CDH23: variants seen among roughly 807,000 people sequenced by gnomAD.
CDH23 encodes cadherin related 23, also known as cadherin-23.
CDH23 carries 189 observed loss-of-function variants against 317.1 expected under a neutral mutation model. That is an observed-to-expected ratio of 0.60 (90% CI 0.53 to 0.67). CDH23 has a LOEUF of 0.67. Among genes scored for constraint, CDH23 ranks in the 30% least tolerant of loss-of-function variants. The pLI is 0.00. For missense variants in CDH23, 4,401 were observed against 4,592.4 expected (o/e 0.96, Z 1.20); for synonymous variants, 1,839 against 1,876.8 (o/e 0.98, Z 0.52).
At chr10:71,689,762 G>A (rs1019826870) in intron 19 of CDH23, among the ~76,000 whole-genome samples, 3 of 152,216 alleles carry the variant, frequency 2.0e-5, no homozygotes, top group African/African-American at 7.2e-5. Context: ...GCTCAGGCAG[G>A]TGAAGGCGCC....
At chr10:71,600,604 C>T (rs1382602007) in intron 9 of CDH23, among the ~76,000 whole-genome samples, 1 of 151,084 alleles carries the variant, frequency 6.6e-6, no homozygotes, top group African/African-American at 2.4e-5. Flanking sequence ...GCAACCTCTG[C>T]CTCCCGGGTT....
chr10:71,712,760 A>G lies in CDH23; in HGVS notation c.3316A>G (p.Ser1106Gly). 1 of 1,613,534 alleles carries G rather than the reference A, an allele frequency of 6.2e-7. No homozygotes were observed. The highest frequency in any genetic ancestry group is 8.5e-7 in the Non-Finnish European group (1 of 1,179,808). ...NDNRPIFLQSSYEASVPEDIP... is the reference protein window; with the variant it reads ...NDNRPIFLQSGYEASVPEDIP... ...CAACCGGCCCATCTTTCTGCAGAGC[A>G]GCTATGAGGCCAGCGTCCCTGAGGA... The change falls in exon 28 of 70, where the codon AGC (serine) becomes GGC (glycine). Residue 1106 changes from serine (S) to glycine (G), a missense_variant. By Grantham distance (56) the Ser-to-Gly change is moderately conservative (BLOSUM62 0). Transcript: ENST00000224721.
intron 22 of CDH23, among the ~76,000 whole-genome samples, chr10:71,697,016 A>G (rs1490610680): frequency 6.6e-6 from 1 of 152,052 alleles, no homozygotes; most frequent in Admixed American, 6.5e-5. Flanking sequence ...CCTTTCCCTT[A>G]GGTTTTTGGG....
At chr10:71,523,997 G>A (rs758886627) in intron 6 of CDH23, among the ~76,000 whole-genome samples, 21 of 152,218 alleles carry the variant, frequency 1.4e-4, no homozygotes, top group Admixed American at 2.6e-4. Context: ...CACCCTCCCC[G>A]TTTTTCATGA....
At chr10:71,471,214 G>A (rs981160270) in intron 3 of CDH23, among the ~76,000 whole-genome samples, 4 of 152,208 alleles carry the variant, frequency 2.6e-5, no homozygotes, top group East Asian at 1.9e-4. Flanking sequence ...CCATCTGCGC[G>A]CAGCCCGGCT....
chr10:71,725,172 T>C lies in CDH23; in HGVS notation c.3431-200T>C, dbSNP rs576287925. 5.9e-5 allele frequency among the ~76,000 whole-genome samples: 9 copies of C among 152,298 alleles called. No homozygotes were observed. In the East Asian group the frequency reaches 7.7e-4, roughly 13 times the overall value. On this transcript the variant is annotated intron_variant, in intron 29 of 69. Transcript: ENST00000224721. ...GCCTTCCCGGAGCAGGTGAAACGCA[T>C]TGGGGATGGCCTGTCTGCCTTGCCC...
chr10:71,771,018 A>G (rs1462895092), intron 38 of CDH23, among the ~76,000 whole-genome samples: 7 of 152,184 alleles, frequency 4.6e-5, no homozygotes, highest in South Asian at 2.1e-4. Context: ...GGGTTACTCA[A>G]CAAGGCCCTG....
intron 11 of CDH23, among the ~76,000 whole-genome samples, chr10:71,621,753 G>A (rs974065438): frequency 4.6e-5 from 7 of 152,166 alleles, no homozygotes; most frequent in Non-Finnish European, 7.4e-5. Flanking sequence ...CCACCAGATC[G>A]AAGATTCTGC....
At chr10:71,785,181 C>A in intron 43 of CDH23, 81 bp downstream of exon 43, 2 of 1,206,024 alleles carry the variant, frequency 1.7e-6, no homozygotes, top group East Asian at 2.4e-5. Context: ...TTTTCTGCTG[C>A]CACCATCTGG....
At chr10:71,479,877 A>G (rs1231175242) in intron 3 of CDH23, among the ~76,000 whole-genome samples, 6 of 152,170 alleles carry the variant, frequency 3.9e-5, no homozygotes, top group Non-Finnish European at 7.4e-5. Flanking sequence ...GCCATAGGTC[A>G]GAGACATGGC....
At chr10:71,477,555 C>T (rs1209711364) in intron 3 of CDH23, among the ~76,000 whole-genome samples, 2 of 152,210 alleles carry the variant, frequency 1.3e-5, no homozygotes, top group Non-Finnish European at 1.5e-5. Flanking sequence ...GACCTCACCA[C>T]TCTCATGGCT....
At chr10:71,416,589 G>C (rs1274982470) in intron 1 of CDH23, among the ~76,000 whole-genome samples, 1 of 152,124 alleles carries the variant, frequency 6.6e-6, no homozygotes, top group Non-Finnish European at 1.5e-5. Flanking sequence ...CTCATTGTCT[G>C]AAGATGTCTC....
At position 71,613,935 on chromosome 10, in the gene CDH23, G is replaced by A. The variant is rs555278200; in HGVS notation, c.833-1569G>A. On this transcript the variant is annotated intron_variant, in intron 9 of 69. Transcript: ENST00000224721. ...CACTACTGAGTCCTTATTTTGTGCC[G>A]GGGATGGTCCCAAAGTAATATATCT... Among the ~76,000 whole-genome samples, 16 of 152,304 alleles carry A rather than the reference G, an allele frequency of 1.1e-4. No individual in the cohort carries two copies. In the South Asian group the frequency reaches 2.9e-3, roughly 28 times the overall value.
At chr10:71,517,921 A>T (rs528555648) in intron 6 of CDH23, among the ~76,000 whole-genome samples, 3 of 152,142 alleles carry the variant, frequency 2.0e-5, no homozygotes, top group African/African-American at 7.2e-5. Flanking sequence ...ACAGTGACAC[A>T]TGCCTGGAGC....
chr10:71,760,028 C>T (rs200135623), intron 38 of CDH23, among the ~76,000 whole-genome samples: 1,718 of 46,714 alleles, frequency 0.037, 381 homozygotes, highest in Non-Finnish European at 0.051. Flanking sequence ...CACATATATA[C>T]ACACACACAC....
intron 18 of CDH23, among the ~76,000 whole-genome samples, chr10:71,685,700 G>T (rs1271948463): frequency 6.6e-6 from 1 of 152,218 alleles, no homozygotes; most frequent in African/African-American, 2.4e-5. Context: ...TGGCCCTGGG[G>T]CAGCCGGAGA....
rs1008206544 is a variant in CDH23, at chr10:71,646,851, C to T, written c.1449+234C>T. ...CAACCTGAGGGGTGACGAGACTGAG[C>T]TGAGGACACTGGTTTTCTGCCTTTC... On this transcript the variant is annotated intron_variant, in intron 14 of 69. Coordinates refer to ENST00000224721, the MANE Select transcript of CDH23 (RefSeq NM_022124.6). The T allele has an allele frequency of 2.8e-6, 4 of 1,451,998 alleles. No individual in the cohort carries two copies. The Admixed American group carries it at 8.2e-5, about 30-fold the overall frequency. 89.9% of individuals were successfully genotyped at this position (1,451,998 alleles called of 1,614,324 possible). A position where few individuals can be genotyped will look rare whatever the true frequency, so the allele number is the denominator to read the frequency against.
At position 71,709,230 on chromosome 10, in the gene CDH23, CCCA is replaced by C; in HGVS notation, c.3220+23_3220+25del. 1 of 1,597,068 alleles carries C rather than the reference CCCA, an allele frequency of 6.3e-7. No individual in the cohort carries two copies. The highest frequency in any genetic ancestry group is 1.1e-5 in the South Asian group (1 of 90,742). On this transcript the variant is annotated intron_variant, in intron 27 of 69. Transcript: ENST00000224721. ...GCCATCGGTATGCACCAGTCCCGCA[CCCA>C]CCAACACAGTGATCTGGGCAGAGTT...
At chr10:71,756,076 G>A (rs1840138289) in intron 38 of CDH23, among the ~76,000 whole-genome samples, 1 of 152,128 alleles carries the variant, frequency 6.6e-6, no homozygotes, top group Non-Finnish European at 1.5e-5. Flanking sequence ...CAAGTCACAG[G>A]AGAAACACCC....
Sources: allele counts gnomAD v4.1 joint callset (sites outside exome capture counted in the v4.1 genomes callset), GRCh38; gene constraint gnomAD v4.1.1; transcripts MANE v1.5; gene names NCBI Gene and HGNC (gene_info 2026-07-23, HGNC 2026-07-21).